BRD2: variants seen among roughly 807,000 people sequenced by gnomAD.
The protein encoded by BRD2 is bromodomain-containing protein 2.
In BRD2, 15 loss-of-function variants were observed where a neutral mutation model predicts 79.1. The ratio of observed to expected loss-of-function variants is 0.19; its 90% CI spans 0.13 to 0.29. BRD2 has a LOEUF of 0.29. BRD2 is among the 10% of genes least tolerant of loss of function. The pLI, the probability that BRD2 is intolerant of heterozygous loss-of-function variation, is 1.00. For missense variants in BRD2, 1,053 were observed against 991.3 expected (o/e 1.06, Z -0.84); for synonymous variants, 488 against 358.6 (o/e 1.36, Z -4.08).
chr6:32,972,184 C>T lies in BRD2; in HGVS notation c.-715C>T. 1.8e-6 allele frequency: 1 copy of T among 563,056 alleles called. No homozygotes were observed. The highest frequency in any genetic ancestry group is 1.9e-5 in the South Asian group (1 of 52,844). The allele number at this position is 563,056 out of a possible 1,614,324, so 34.9% of individuals were successfully genotyped here. ...CCCGCCTATATATAAAGGGCTGGCG[C>T]GGGGCTCGGCGGCGCCATTTCGTGC... is the stretch of plus-strand genomic sequence containing the variant. On this transcript the variant is annotated 5_prime_UTR_variant, in exon 2 of 13. Coordinates refer to ENST00000374825, the MANE Select transcript of BRD2 (RefSeq NM_005104.4).
intron 3 of BRD2, 46 bp downstream of exon 3, chr6:32,974,811 T>G (rs374944103): frequency 3.8e-6 from 6 of 1,588,236 alleles, no homozygotes; most frequent in Non-Finnish European, 5.1e-6. Context: ...TGAGCAAGAA[T>G]GCGTGTGAAT....
chr6:32,978,044 G>A (rs1779003321), intron 9 of BRD2, 39 bp downstream of exon 9: 2 of 1,601,828 alleles, frequency 1.2e-6, no homozygotes, highest in African/African-American at 2.7e-5. Flanking sequence ...TGGGTAAGAG[G>A]TTCATGCCCT....
Position 32,972,904 on chromosome 6 carries a change from G to A in BRD2, c.6G>A (p.Leu2=), listed in dbSNP as rs1302728541. ...GCCGGTTCCTTGCGGTCAAGATGCT[G>A]CAAAACGTGACTCCCCACAATAAGT... M[L]QNVTPHNKLP... Residue 2 remains leucine, a synonymous_variant, in exon 2 of 13, where the codon CTG becomes CTA. Transcript: ENST00000374825. 3 of 1,613,956 alleles carry A rather than the reference G, an allele frequency of 1.9e-6. No individual in the cohort carries two copies. The highest frequency in any genetic ancestry group is 1.3e-5 in the African/African-American group (1 of 74,940).
chr6:32,981,442 A>T lies in BRD2; in HGVS notation c.*724A>T, dbSNP rs1447851832. 1 of 152,232 alleles carries T rather than the reference A, an allele frequency of 6.6e-6. No individual in the cohort carries two copies. The highest frequency in any genetic ancestry group is 1.5e-5 in the Non-Finnish European group (1 of 68,040). 9.4% of individuals were successfully genotyped at this position (152,232 alleles called of 1,614,324 possible). ...AGCTAACCTATAATTGGATTGTCTT[A>T]ATTTTTAAACCAGTAGGCTTTTGCT... On this transcript the variant is annotated 3_prime_UTR_variant, in exon 13 of 13. Coordinates refer to ENST00000374825, the MANE Select transcript of BRD2 (RefSeq NM_005104.4).
rs1167492126 is a variant in BRD2, at chr6:32,981,197, TC to T, written c.*482del. The T allele has an allele frequency of 6.4e-6, 1 of 156,588 alleles. No individual in the cohort carries two copies. The highest frequency in any genetic ancestry group is 2.4e-5 in the African/African-American group (1 of 41,418). The allele number at this position is 156,588 out of a possible 1,614,324, so 9.7% of individuals were successfully genotyped here. A position where few individuals can be genotyped will look rare whatever the true frequency, so the allele number is the denominator to read the frequency against. ...TGATTTTTTTTTTTCTACTCTGTTTTCCCTTTTTCCTTCCGCTCCATTTGGG... is the reference window on the plus strand; with the variant it reads ...TGATTTTTTTTTTTCTACTCTGTTTTCCTTTTTCCTTCCGCTCCATTTGGG... On this transcript the variant is annotated 3_prime_UTR_variant, in exon 13 of 13. Transcript: ENST00000374825.
At chr6:32,977,685 CTATAT>C in intron 8 of BRD2, 67 bp from the exon 9 acceptor site, 1 of 1,604,344 alleles carries the variant, frequency 6.2e-7, no homozygotes, top group Non-Finnish European at 8.5e-7. Context: ...TAAATTGGAG[CTATAT>C]CACTTGGTGG....
In BRD2 at chr6:32,976,244, T is replaced by C. The variant is rs1205787135; in HGVS notation, c.611-6T>C. On this transcript the variant is annotated splice_polypyrimidine_tract_variant and splice_region_variant and intron_variant, in intron 5 of 12. Transcript: ENST00000374825. Reference sequence around the variant, plus strand: ...AATCAAACTACACTTTTTTCCTTTTTTCTAGCGCTCCAGGGCAGTGTTACC... The same window carrying C: ...AATCAAACTACACTTTTTTCCTTTTCTCTAGCGCTCCAGGGCAGTGTTACC... 6.2e-6 allele frequency: 10 copies of C among 1,611,342 alleles called. No individual in the cohort carries two copies. Among genetic ancestry groups the C allele is most frequent in the Non-Finnish European group, 5.9e-6 (7 of 1,178,926 alleles).
In BRD2 at chr6:32,976,230, A is replaced by G. The variant is rs372238747; in HGVS notation, c.611-20A>G. ...AAGATGGGGAAGAGAATCAAACTAC[A>G]CTTTTTTCCTTTTTTCTAGCGCTCC... On this transcript the variant is annotated intron_variant, in intron 5 of 12. Coordinates refer to ENST00000374825, the MANE Select transcript of BRD2 (RefSeq NM_005104.4). 383 of 1,610,996 alleles carry G rather than the reference A, an allele frequency of 2.4e-4. 1 individual carries two copies. The African/African-American group carries it at 4.1e-3, about 17-fold the overall frequency.
At chr6:32,977,012 G>T (rs771232219) in intron 7 of BRD2, 76 bp downstream of exon 7, 3 of 1,504,818 alleles carry the variant, frequency 2.0e-6, no homozygotes, top group African/African-American at 2.8e-5. Context: ...GTCTCCTTAT[G>T]TGGGCACACA....
At position 32,974,745 on chromosome 6, in the gene BRD2, G is replaced by T; in HGVS notation, c.313G>T (p.Ala105Ser). 6.2e-7 allele frequency: 1 copy of T among 1,613,996 alleles called. No individual in the cohort carries two copies. Among genetic ancestry groups the T allele is most frequent in the Non-Finnish European group, 8.5e-7 (1 of 1,179,914 alleles). ...ATGGCCATTCCGGCAGCCTGTGGAT[G>T]CTGTCAAACTGGGTCTACCGGTGAG... Reference protein sequence around the residue: ...FAWPFRQPVDAVKLGLPDYHK... With the variant: ...FAWPFRQPVDSVKLGLPDYHK... Residue 105 changes from alanine (A) to serine (S), a missense_variant, in exon 3 of 13, where the codon GCT (alanine) becomes TCT (serine). Physicochemically the swap from Ala to Ser is moderately conservative, Grantham distance 99 (BLOSUM62 1). Around this residue, in one of 5 missense-constraint regions of BRD2, gnomAD observed 413 missense variants for 335.1 expected, o/e 1.23. Coordinates refer to ENST00000374825, the MANE Select transcript of BRD2 (RefSeq NM_005104.4).
rs769338222 is a variant in BRD2, at chr6:32,980,669, C to T, written c.2357C>T (p.Ser786Phe). ...ASSSSSDSSS[S>F]SSSSSSSDTS... The stretch of plus-strand genomic sequence containing the variant: ...AGCTCCAGCTCAGATTCCAGCTCCT[C>T]CTCTTCCTCGTCGTCGTCTTCAGAC... The change falls in exon 13 of 13, where the codon TCC (serine) becomes TTC (phenylalanine). Residue 786 changes from serine to phenylalanine, a missense_variant. Ser to Phe is a radical substitution (Grantham distance 155, BLOSUM62 -2). This residue lies in a region of BRD2 where 139 missense variants were observed against 133.2 expected (regional missense o/e 1.04). Coordinates refer to ENST00000374825, the MANE Select transcript of BRD2 (RefSeq NM_005104.4). 1 of 1,613,158 alleles carries T rather than the reference C, an allele frequency of 6.2e-7. No homozygotes were observed. The highest frequency in any genetic ancestry group is 8.5e-7 in the Non-Finnish European group (1 of 1,180,038).
At chr6:32,974,811 T>C (rs374944103) in intron 3 of BRD2, 46 bp downstream of exon 3, 3 of 1,588,354 alleles carry the variant, frequency 1.9e-6, no homozygotes, top group South Asian at 2.3e-5. Context: ...TGAGCAAGAA[T>C]GCGTGTGAAT....
rs73409619 is a variant in BRD2 at position 32,971,963 on chromosome 6, T to G, written c.-936T>G. The G allele has an allele frequency of 1.1e-4, 74 of 702,982 alleles. No individual in the cohort carries two copies. The highest frequency in any genetic ancestry group is 9.9e-4 in the African/African-American group (57 of 57,360). The allele number at this position is 702,982 out of a possible 1,614,324, so 43.5% of individuals were successfully genotyped here. On this transcript the variant is annotated 5_prime_UTR_variant, in exon 2 of 13. Transcript: ENST00000374825. ...CCTGTGGGTCTCTGCGGCACTCTTCTGCCTGGTGACTGACACCTTGGAAAT... is the reference window on the plus strand; with the variant it reads ...CCTGTGGGTCTCTGCGGCACTCTTCGGCCTGGTGACTGACACCTTGGAAAT...
In BRD2 at chr6:32,976,771, G is replaced by A. The variant is rs760113721; in HGVS notation, c.1035G>A (p.Lys345=). 4 of 1,613,228 alleles carry A rather than the reference G, an allele frequency of 2.5e-6. No individual in the cohort carries two copies. The East Asian group carries it at 6.7e-5, about 27-fold the overall frequency. The change falls in exon 7 of 13, where the codon AAG becomes AAA. Residue 345 remains lysine (K), a synonymous_variant. Coordinates refer to ENST00000374825, the MANE Select transcript of BRD2 (RefSeq NM_005104.4). ...AACACCAGAGCTCTAAGAAAGGAAA[G>A]CTTTCAGAACAGTTAAAACATTGCA... ...QQQHQSSKKG[K]LSEQLKHCNG...
chr6:32,974,185 A>G (rs1384347327), intron 2 of BRD2, among the ~76,000 whole-genome samples: 2 of 152,132 alleles, frequency 1.3e-5, no homozygotes, highest in African/African-American at 2.4e-5. Flanking sequence ...GTCAGAAACA[A>G]TTTGGGAGTT....
At chr6:32,971,058 G>C (rs72865875) in intron 1 of BRD2, 3,541 of 152,100 alleles carry the variant, frequency 0.023, 61 homozygotes, top group South Asian at 0.038. Flanking sequence ...GGATACGGGT[G>C]TGCCTTTGGG....
Position 32,972,186 on chromosome 6 carries a change from G to A in BRD2, c.-713G>A. 3.5e-6 allele frequency: 2 copies of A among 567,534 alleles called. No individual in the cohort carries two copies. The highest frequency in any genetic ancestry group is 3.2e-6 in the Non-Finnish European group (1 of 313,506). 35.2% of individuals were successfully genotyped at this position (567,534 alleles called of 1,614,324 possible). A position where few individuals can be genotyped will look rare whatever the true frequency, so the allele number is the denominator to read the frequency against. ...CGCCTATATATAAAGGGCTGGCGCG[G>A]GGCTCGGCGGCGCCATTTCGTGCTG... On this transcript the variant is annotated 5_prime_UTR_variant, in exon 2 of 13. Transcript: ENST00000374825.
Position 32,976,330 on chromosome 6 carries a change from C to G in BRD2, c.691C>G (p.Pro231Ala), listed in dbSNP as rs760564600. The G allele has an allele frequency of 2.5e-6, 4 of 1,613,056 alleles. No individual in the cohort carries two copies. The highest frequency in any genetic ancestry group is 2.5e-6 in the Non-Finnish European group (3 of 1,180,020). Residue 231 changes from proline (P) to alanine (A), a missense_variant, in exon 6 of 13, where the codon CCT becomes GCT. Pro to Ala is a conservative substitution (Grantham distance 27). Around this residue, in one of 5 missense-constraint regions of BRD2, gnomAD observed 413 missense variants for 335.1 expected, o/e 1.23. Coordinates refer to ENST00000374825, the MANE Select transcript of BRD2 (RefSeq NM_005104.4). ...VSHTALYTPP[P>A]EIPTTVLNIP... ...ACACACAGCCCTGTATACTCCTCCA[C>G]CTGAGATACCTACCACTGTCCTCAA... is the stretch of plus-strand genomic sequence containing the variant.
chr6:32,976,968 AG>A (rs758031014), intron 7 of BRD2, 32 bp downstream of exon 7: 13 of 1,579,288 alleles, frequency 8.2e-6, no homozygotes, highest in Non-Finnish European at 6.0e-6. Flanking sequence ...TGGGATGCTC[AG>A]GCAGTGATGG....
Sources: gnomAD v4.1 joint callset for allele counts (sites outside exome capture counted in the v4.1 genomes callset) on GRCh38, gnomAD v4.1.1 for gene constraint, gnomAD v4.1.1 regional missense constraint, MANE v1.5 for transcripts, NCBI Gene and HGNC (gene_info 2026-07-23, HGNC 2026-07-21) for gene names.